Variants in CERKL observed in about 807,000 individuals in gnomAD.
The protein encoded by CERKL is CERK like autophagy regulator.
Under a neutral mutation model 63.4 loss-of-function variants are expected in CERKL, and 61 were observed. The ratio of observed to expected loss-of-function variants is 0.96; its 90% CI spans 0.78 to 1.19. CERKL has a LOEUF of 1.19. Among genes scored for constraint, CERKL ranks in the 50% most tolerant of loss-of-function variants. The pLI is 0.00. For synonymous variants in CERKL, 250 were observed against 230.5 expected, an observed-to-expected ratio of 1.08 and a Z score of -0.77; for missense variants, 675 against 655.5, an observed-to-expected ratio of 1.03 and a Z score of -0.33.
intron 1 of CERKL, among the ~76,000 whole-genome samples, chr2:181,627,561 A>G (rs908166545): frequency 1.3e-5 from 2 of 152,182 alleles, no homozygotes; most frequent in Non-Finnish European, 2.9e-5. Flanking sequence ...CCTAGTCACA[A>G]TGCAAAATTC....
chr2:181,603,903 C>T lies in CERKL; in HGVS notation c.415G>A (p.Asp139Asn). ...TGGTCTTCACTTAAATTAATAAGATCAAGTGTAGAATTCTTTAGTTTATTT... is the reference window on the plus strand; with the variant it reads ...TGGTCTTCACTTAAATTAATAAGATTAAGTGTAGAATTCTTTAGTTTATTT... ...EQNKLKNSTL[D>N]LINLSEDHCD... The change falls in exon 2 of 13, where the codon GAT becomes AAT. Residue 139 changes from aspartate (D) to asparagine (N), a missense_variant. Asp to Asn is a conservative substitution (Grantham distance 23). Transcript: ENST00000410087. The T allele has an allele frequency of 6.2e-7, 1 of 1,612,028 alleles. No individual in the cohort carries two copies. Among genetic ancestry groups the T allele is most frequent in the Admixed American group, 1.7e-5 (1 of 59,966 alleles).
intron 1 of CERKL, among the ~76,000 whole-genome samples, chr2:181,619,434 T>C (rs1686354661): frequency 6.6e-6 from 1 of 152,144 alleles, no homozygotes; most frequent in South Asian, 2.1e-4. Flanking sequence ...AGCCTCAGAT[T>C]ATGGTAATTG....
rs754207062 is a variant in CERKL, at chr2:181,603,880, G to A, written c.438C>T (p.Asp146=). The A allele has an allele frequency of 3.1e-6, 5 of 1,612,648 alleles. No homozygotes were observed. Among genetic ancestry groups the A allele is most frequent in the Non-Finnish European group, 4.2e-6 (5 of 1,178,946 alleles). ...ACTGTCTAAACCATATGTCACAGTG[G>A]TCTTCACTTAAATTAATAAGATCAA... is the stretch of plus-strand genomic sequence containing the variant. The part of the protein sequence containing the change: ...STLDLINLSE[D]HCDIWFRQFK... Residue 146 remains aspartate, a synonymous_variant, in exon 2 of 13, where the codon GAC becomes GAT. Coordinates refer to ENST00000410087, the MANE Select transcript of CERKL (RefSeq NM_201548.5).
At position 181,537,307 on chromosome 2, in the gene CERKL, A is replaced by G; in HGVS notation, c.*877T>C. Reference sequence around the variant, plus strand: ...ACAACTATATATTTCAGGTTATCTGAGCACAGTGAAAGCAGAGTACTATGG... The same window carrying G: ...ACAACTATATATTTCAGGTTATCTGGGCACAGTGAAAGCAGAGTACTATGG... On this transcript the variant is annotated 3_prime_UTR_variant, in exon 13 of 13. Coordinates refer to ENST00000410087, the MANE Select transcript of CERKL (RefSeq NM_201548.5). The G allele has an allele frequency of 2.2e-6, 1 of 453,316 alleles. No individual in the cohort carries two copies. Among genetic ancestry groups the G allele is most frequent in the Non-Finnish European group, 4.4e-6 (1 of 226,214 alleles). The allele number at this position is 453,316 out of a possible 1,614,324, so 28.1% of individuals were successfully genotyped here.
intron 2 of CERKL, among the ~76,000 whole-genome samples, chr2:181,575,707 C>G (rs942513843): frequency 1.3e-5 from 2 of 152,128 alleles, no homozygotes; most frequent in Admixed American, 1.3e-4. Flanking sequence ...ATAAATGGAG[C>G]TAAATGCAGA....
chr2:181,567,055 T>C (rs1688696407), intron 3 of CERKL, among the ~76,000 whole-genome samples: 1 of 152,178 alleles, frequency 6.6e-6, no homozygotes, highest in African/African-American at 2.4e-5. Context: ...TTAAAAATTA[T>C]TAGTCTTGGT....
intron 2 of CERKL, among the ~76,000 whole-genome samples, chr2:181,601,592 G>T (rs1685461288): frequency 6.6e-6 from 1 of 152,108 alleles, no homozygotes; most frequent in Non-Finnish European, 1.5e-5. Context: ...TTTTTTAAAA[G>T]TGCCAGTGTA....
At chr2:181,569,718 T>C (rs914650163) in intron 3 of CERKL, among the ~76,000 whole-genome samples, 1 of 152,126 alleles carries the variant, frequency 6.6e-6, no homozygotes, top group African/African-American at 2.4e-5. Flanking sequence ...AAAAAGTAAC[T>C]GAAGGCGATG....
At chr2:181,584,501 G>T (rs951850792) in intron 2 of CERKL, among the ~76,000 whole-genome samples, 4 of 150,926 alleles carry the variant, frequency 2.7e-5, no homozygotes, top group Non-Finnish European at 4.4e-5. Context: ...AACAGAGCAA[G>T]ACCTTGTCTC....
intron 1 of CERKL, among the ~76,000 whole-genome samples, chr2:181,605,839 A>G (rs1685652155): frequency 6.6e-6 from 1 of 152,160 alleles, no homozygotes; most frequent in Admixed American, 6.5e-5. Flanking sequence ...ACCCTCTCTC[A>G]GCTTTTTAGT....
At chr2:181,601,568 A>C (rs1366785575) in intron 2 of CERKL, among the ~76,000 whole-genome samples, 1 of 152,224 alleles carries the variant, frequency 6.6e-6, no homozygotes, top group Non-Finnish European at 1.5e-5. Flanking sequence ...TTTAAAAATA[A>C]AAAATAAACA....
intron 5 of CERKL, among the ~76,000 whole-genome samples, chr2:181,553,030 G>A (rs1018809488): frequency 2.0e-5 from 3 of 152,154 alleles, no homozygotes; most frequent in African/African-American, 7.2e-5. Context: ...CTGGGAGCTT[G>A]TTAAAAACGT....
intron 4 of CERKL, among the ~76,000 whole-genome samples, chr2:181,565,825 C>G (rs1688642419): frequency 6.6e-6 from 1 of 151,976 alleles, no homozygotes. Flanking sequence ...CTGTCATTTC[C>G]CAGTATTTTA....
At chr2:181,540,605 T>C (rs1356300469) in intron 11 of CERKL, among the ~76,000 whole-genome samples, 4 of 152,134 alleles carry the variant, frequency 2.6e-5, no homozygotes, top group African/African-American at 4.8e-5. Context: ...ATGTCAAGAA[T>C]TGACAGCCAC....
chr2:181,609,097 A>G (rs993957871), intron 1 of CERKL, among the ~76,000 whole-genome samples: 1 of 152,218 alleles, frequency 6.6e-6, no homozygotes, highest in Non-Finnish European at 1.5e-5. Flanking sequence ...CCATGCCAGT[A>G]TTCTCTTTAT....
chr2:181,568,192 A>G (rs1199201506), intron 3 of CERKL, among the ~76,000 whole-genome samples: 1 of 152,172 alleles, frequency 6.6e-6, no homozygotes, highest in Non-Finnish European at 1.5e-5. Flanking sequence ...GTGAGATTTG[A>G]TTTGGACATA....
At chr2:181,571,596 G>A (rs190552440) in intron 3 of CERKL, among the ~76,000 whole-genome samples, 45 of 152,180 alleles carry the variant, frequency 3.0e-4, no homozygotes, top group Non-Finnish European at 5.0e-4. Context: ...TACACCAACT[G>A]TGGATCAATA....
chr2:181,635,497 G>C (rs1226768750), intron 1 of CERKL, among the ~76,000 whole-genome samples: 1 of 152,086 alleles, frequency 6.6e-6, no homozygotes, highest in Non-Finnish European at 1.5e-5. Flanking sequence ...GATTTCAACT[G>C]TAATAAGTTT....
chr2:181,627,265 G>A (rs550670002), intron 1 of CERKL, among the ~76,000 whole-genome samples: 1 of 152,166 alleles, frequency 6.6e-6, no homozygotes, highest in African/African-American at 2.4e-5. Flanking sequence ...TTACAAAAGG[G>A]GGCATCCTGA....
Sources: allele counts gnomAD v4.1 joint callset (sites outside exome capture counted in the v4.1 genomes callset), GRCh38; gene constraint gnomAD v4.1.1; transcripts MANE v1.5; gene names NCBI Gene and HGNC (gene_info 2026-07-23, HGNC 2026-07-21).